The following POU2AF1 variants were observed in gnomAD, a reference collection of about 807,000 sequenced individuals.
The protein encoded by POU2AF1 is POU domain class 2-associating factor 1.
A neutral mutation model predicts 26.3 loss-of-function variants in POU2AF1; 12 were observed. The observed-to-expected ratio is 0.46, with a 90% CI of 0.29 to 0.74. The LOEUF (loss-of-function observed/expected upper bound fraction) is 0.74. POU2AF1 is among the 30% of genes least tolerant of loss of function. POU2AF1 has a pLI of 0.09. For missense variants in POU2AF1, 297 were observed against 334.5 expected, an observed-to-expected ratio of 0.89 and a Z score of 0.87; for synonymous variants, 175 against 148.0, an observed-to-expected ratio of 1.18 and a Z score of -1.32.
In POU2AF1 at chr11:111,353,348, A is replaced by G. The variant is rs1022685225; in HGVS notation, c.*913T>C. On this transcript the variant is annotated 3_prime_UTR_variant, in exon 5 of 5. Coordinates refer to ENST00000393067, the MANE Select transcript of POU2AF1 (RefSeq NM_006235.3). ...CCTCAGCCTTCCTCCTCCCTGCATCAAACTCAAGCTTCCTCCCACACCCCT... is the reference window on the plus strand; with the variant it reads ...CCTCAGCCTTCCTCCTCCCTGCATCGAACTCAAGCTTCCTCCCACACCCCT... 4.7e-5 allele frequency: 11 copies of G among 233,854 alleles called. No individual in the cohort carries two copies. The highest frequency in any genetic ancestry group is 7.6e-5 in the Non-Finnish European group (9 of 118,434). The allele number at this position is 233,854 out of a possible 1,614,324, so 14.5% of individuals were successfully genotyped here.
At chr11:111,375,547 C>T (rs546129278) in intron 1 of POU2AF1, among the ~76,000 whole-genome samples, 2 of 152,072 alleles carry the variant, frequency 1.3e-5, no homozygotes, top group South Asian at 2.1e-4. Flanking sequence ...CAGGGGCCTG[C>T]CACCACAACC....
intron 1 of POU2AF1, among the ~76,000 whole-genome samples, chr11:111,361,846 G>A (rs1263652974): frequency 2.0e-5 from 3 of 152,218 alleles, no homozygotes; most frequent in African/African-American, 7.2e-5. Flanking sequence ...TTTAATACAT[G>A]TGAGCTCCGA....
chr11:111,375,762 GT>G (rs1565368594), intron 1 of POU2AF1, among the ~76,000 whole-genome samples: 1 of 152,154 alleles, frequency 6.6e-6, no homozygotes, highest in African/African-American at 2.4e-5. Flanking sequence ...CAGACCAGAG[GT>G]TGGCAATGTT....
chr11:111,359,599 A>G (rs1860966240), intron 1 of POU2AF1, among the ~76,000 whole-genome samples: 1 of 152,244 alleles, frequency 6.6e-6, no homozygotes, highest in Non-Finnish European at 1.5e-5. Flanking sequence ...TATCAAAGGA[A>G]TATTGAGAGA....
At chr11:111,357,115 G>C (rs970818800) in intron 4 of POU2AF1, among the ~76,000 whole-genome samples, 1 of 146,852 alleles carries the variant, frequency 6.8e-6, no homozygotes, top group African/African-American at 2.5e-5. Context: ...TGTAGATCTC[G>C]CCTGGTGCCA....
intron 1 of POU2AF1, among the ~76,000 whole-genome samples, chr11:111,368,364 C>G (rs750931012): frequency 6.6e-6 from 1 of 152,104 alleles, no homozygotes; most frequent in Non-Finnish European, 1.5e-5. Context: ...GTCCCAGACA[C>G]TCTAAGTGGC....
Position 111,357,561 on chromosome 11 carries a change from C to G in POU2AF1, c.340G>C (p.Val114Leu). 1 of 1,614,128 alleles carries G rather than the reference C, an allele frequency of 6.2e-7. No homozygotes were observed. Among genetic ancestry groups the G allele is most frequent in the African/African-American group, 1.3e-5 (1 of 75,050 alleles). The change falls in exon 4 of 5, where the codon GTC becomes CTC. Residue 114 changes from valine to leucine, a missense_variant. Val to Leu is a conservative substitution (Grantham distance 32, BLOSUM62 1). Transcript: ENST00000393067. Reference protein sequence around the residue: ...PYTEYVPHEAVSCPYSADMYV... With the variant: ...PYTEYVPHEALSCPYSADMYV... The stretch of plus-strand genomic sequence containing the variant: ...ATGTCAGCTGAGTAGGGGCAGCTGA[C>G]AGCTTCATGGGGCACATACTCGGTG...
At chr11:111,377,792 C>G in intron 1 of POU2AF1, 1 of 183,960 alleles carries the variant, frequency 5.4e-6, no homozygotes, top group Non-Finnish European at 1.2e-5. Context: ...ATCCACACAG[C>G]ACTCACAACA....
In POU2AF1 at chr11:111,353,303, T is replaced by C. The variant is rs1860772319; in HGVS notation, c.*958A>G. ...TTTATTGTTCTTCTTAATAACCAAG[T>C]AATCTGGAGCCAAGTCATTCCTCAG... On this transcript the variant is annotated 3_prime_UTR_variant, in exon 5 of 5. Transcript: ENST00000393067. The C allele has an allele frequency of 4.3e-6, 1 of 233,648 alleles. No individual in the cohort carries two copies. Among genetic ancestry groups the C allele is most frequent in the African/African-American group, 2.2e-5 (1 of 45,466 alleles). The allele number at this position is 233,648 out of a possible 1,614,324, so 14.5% of individuals were successfully genotyped here.
At chr11:111,356,182 T>C (rs1168469911) in intron 4 of POU2AF1, among the ~76,000 whole-genome samples, 1 of 152,204 alleles carries the variant, frequency 6.6e-6, no homozygotes, top group African/African-American at 2.4e-5. Context: ...GGATAAATAA[T>C]GAAAGGAATC....
intron 1 of POU2AF1, among the ~76,000 whole-genome samples, chr11:111,368,825 A>C (rs1173536527): frequency 6.6e-6 from 1 of 152,236 alleles, no homozygotes; most frequent in Non-Finnish European, 1.5e-5. Context: ...CTCAAAGGGT[A>C]ATCATGAGAA....
At chr11:111,358,751 C>A in intron 2 of POU2AF1, 37 bp downstream of exon 2, 1 of 1,543,658 alleles carries the variant, frequency 6.5e-7, no homozygotes, top group Non-Finnish European at 8.7e-7. Flanking sequence ...CTCTTTCACA[C>A]ACACACACTC....
chr11:111,356,743 G>A (rs2048163336), intron 4 of POU2AF1, among the ~76,000 whole-genome samples: 1 of 152,084 alleles, frequency 6.6e-6, no homozygotes, highest in African/African-American at 2.4e-5. Context: ...ACATATATTA[G>A]TGGTTTCTGT....
chr11:111,374,524 C>T (rs1861273297), intron 1 of POU2AF1, among the ~76,000 whole-genome samples: 1 of 152,132 alleles, frequency 6.6e-6, no homozygotes, highest in Non-Finnish European at 1.5e-5. Context: ...TAGTGAAACT[C>T]CATCTCCAAT....
rs1419333032 is a variant in POU2AF1 at position 111,353,249 on chromosome 11, C to G, written c.*1012G>C. 8.6e-6 allele frequency: 2 copies of G among 233,132 alleles called. No homozygotes were observed. Among genetic ancestry groups the G allele is most frequent in the African/African-American group, 4.4e-5 (2 of 45,334 alleles). The allele number at this position is 233,132 out of a possible 1,614,324, so 14.4% of individuals were successfully genotyped here. On this transcript the variant is annotated 3_prime_UTR_variant, in exon 5 of 5. Coordinates refer to ENST00000393067, the MANE Select transcript of POU2AF1 (RefSeq NM_006235.3). Reference sequence around the variant, plus strand: ...CGTATCCTCAAGGAGAGCAGCAAAACCATCTCTTCAAGCAATGCTTTCCTT... The same window carrying G: ...CGTATCCTCAAGGAGAGCAGCAAAAGCATCTCTTCAAGCAATGCTTTCCTT...
At chr11:111,363,160 G>T in intron 1 of POU2AF1, 1 of 1,012,418 alleles carries the variant, frequency 9.9e-7, no homozygotes, top group African/African-American at 1.7e-5. Flanking sequence ...CATATGTGGG[G>T]CAATCTCTAA....
intron 2 of POU2AF1, 47 bp from the exon 3 acceptor site, chr11:111,357,884 A>G: frequency 6.5e-7 from 1 of 1,547,542 alleles, no homozygotes; most frequent in African/African-American, 1.4e-5. Flanking sequence ...GCCCTCGTCA[A>G]CCGGCCCTGT....
chr11:111,378,821 C>T (rs1052464320), intron 1 of POU2AF1, among the ~76,000 whole-genome samples: 17 of 152,348 alleles, frequency 1.1e-4, no homozygotes, highest in African/African-American at 4.1e-4. Context: ...AACCCCAAAC[C>T]CATCCCACAT....
intron 1 of POU2AF1, among the ~76,000 whole-genome samples, chr11:111,375,523 A>T (rs934561087): frequency 2.7e-5 from 4 of 146,194 alleles, no homozygotes; most frequent in African/African-American, 1.0e-4. Context: ...CAGCCTCCCG[A>T]GTAGCTGGGA....
Sources: gnomAD v4.1 joint callset for allele counts (sites outside exome capture counted in the v4.1 genomes callset) on GRCh38, gnomAD v4.1.1 for gene constraint, MANE v1.5 for transcripts, NCBI Gene and HGNC (gene_info 2026-07-23, HGNC 2026-07-21) for gene names.